The following STS variants were observed in gnomAD, a reference collection of about 807,000 sequenced individuals.
STS encodes steroid sulfatase.
A neutral mutation model predicts 26.8 loss-of-function variants in STS; 7 were observed. That is an observed-to-expected ratio of 0.26 (90% CI 0.15 to 0.49). The LOEUF is 0.49. Ranked by LOEUF, STS falls within the 20% of genes least tolerant of loss-of-function variation. STS has a pLI of 0.98. For synonymous variants in STS, 199 were observed against 189.4 expected, an observed-to-expected ratio of 1.05 and a Z score of -0.42; for missense variants, 434 against 465.6, an observed-to-expected ratio of 0.93 and a Z score of 0.63.
chrX:7,226,736 T>TA (rs1163184652), intron 2 of STS, among the ~76,000 whole-genome samples: 1 of 109,778 alleles, frequency 9.1e-6, no homozygotes, highest in East Asian at 2.9e-4. Flanking sequence ...TCTACAAAAA[T>TA]AAAAAAATTA....
At chrX:7,314,358 A>G (rs913793860) in intron 8 of STS, among the ~76,000 whole-genome samples, 105 of 111,013 alleles carry the variant, frequency 9.5e-4, no homozygotes, top group African/African-American at 3.1e-3. Context: ...TCCTGTCTCA[A>G]AAAAAAAGTG....
intron 10 of STS, among the ~76,000 whole-genome samples, chrX:7,335,231 A>G (rs1249187779): frequency 8.9e-6 from 1 of 112,464 alleles, no homozygotes; most frequent in African/African-American, 3.2e-5. Flanking sequence ...CCAACAGTGT[A>G]AAAGTGTTCC....
intron 1 of STS, among the ~76,000 whole-genome samples, chrX:7,158,106 G>A (rs1213251264): frequency 9.0e-6 from 1 of 111,036 alleles, no homozygotes; most frequent in East Asian, 2.8e-4. Context: ...CAAATGACAT[G>A]GCATGCATCT....
chrX:7,162,152 T>A, intron 1 of STS, among the ~76,000 whole-genome samples: 1 of 111,552 alleles, frequency 9.0e-6, no homozygotes, highest in Admixed American at 9.6e-5. Flanking sequence ...TTCCATCTTG[T>A]CTTCTCCTTA....
At chrX:7,188,236 G>T (rs1933809124) in intron 1 of STS, among the ~76,000 whole-genome samples, 1 of 111,660 alleles carries the variant, frequency 9.0e-6, no homozygotes, top group South Asian at 3.8e-4. Flanking sequence ...CCACTTTAAT[G>T]AGCATTGGAT....
intron 10 of STS, 85 bp from the exon 11 acceptor site, chrX:7,349,803 G>A (rs1928706051): frequency 8.7e-7 from 1 of 1,154,729 alleles, no homozygotes; most frequent in African/African-American, 1.8e-5. Context: ...GCACATGGCA[G>A]CATAATTTCC....
At chrX:7,186,872 G>GGGTCA (rs1263520559) in intron 1 of STS, among the ~76,000 whole-genome samples, 1 of 111,445 alleles carries the variant, frequency 9.0e-6, no homozygotes, top group Admixed American at 9.6e-5. Context: ...TGTATTCTTG[G>GGGTCA]GGTCAACACT....
intron 2 of STS, among the ~76,000 whole-genome samples, chrX:7,222,204 T>C (rs2147050660): frequency 8.9e-6 from 1 of 112,019 alleles, no homozygotes; most frequent in South Asian, 3.7e-4. Context: ...ATTTCTGTTG[T>C]TTATAAGCCA....
intron 8 of STS, among the ~76,000 whole-genome samples, chrX:7,323,679 C>T (rs1205932507): frequency 1.8e-5 from 2 of 111,822 alleles, no homozygotes; most frequent in Non-Finnish European, 1.9e-5. Context: ...CAGCAATGAA[C>T]ATACAGGTAA....
intron 2 of STS, among the ~76,000 whole-genome samples, chrX:7,208,652 ACCTTCCTTCCT>A (rs1412764382): frequency 9.1e-6 from 1 of 110,408 alleles, no homozygotes; most frequent in Non-Finnish European, 1.9e-5. Context: ...TTTCTTTCCT[ACCTTCCTTCCT>A]CCTTCCTTAT....
intron 2 of STS, among the ~76,000 whole-genome samples, chrX:7,247,051 A>ATG (rs1203795154): frequency 1.1e-4 from 12 of 111,340 alleles, no homozygotes; most frequent in Admixed American, 4.8e-4. Context: ...GTGTGTGTGT[A>ATG]TGTGTGTGTG....
In STS at chrX:7,279,903, C is replaced by T. The variant is rs780166033; in HGVS notation, c.943+3816C>T. ...CCTGTGCAGCAGGTGATGTTCTCATCATTCGCATTCCACAGGTAAGGCAAG... is the reference window on the plus strand; with the variant it reads ...CCTGTGCAGCAGGTGATGTTCTCATTATTCGCATTCCACAGGTAAGGCAAG... On this transcript the variant is annotated intron_variant, in intron 7 of 10. Transcript: ENST00000674429. Among the ~76,000 whole-genome samples the T allele has an allele frequency of 2.2e-3, 243 of 111,618 alleles. 1 individual carries two copies. Among genetic ancestry groups the T allele is most frequent in the Non-Finnish European group, 3.2e-3 (169 of 53,132 alleles).
chrX:7,263,332 G>A (rs1271500512), intron 6 of STS, among the ~76,000 whole-genome samples: 4 of 112,513 alleles, frequency 3.6e-5, no homozygotes, highest in Non-Finnish European at 7.5e-5. Context: ...GCCTCTCGAA[G>A]TACTGGGATT....
chrX:7,320,871 T>C (rs189652016), intron 8 of STS, among the ~76,000 whole-genome samples: 1 of 111,929 alleles, frequency 8.9e-6, no homozygotes, highest in African/African-American at 3.2e-5. Flanking sequence ...CAAAGTATGA[T>C]GTGAACTTCC....
intron 7 of STS, among the ~76,000 whole-genome samples, chrX:7,283,039 G>C (rs1280907511): frequency 8.9e-6 from 1 of 112,107 alleles, no homozygotes; most frequent in African/African-American, 3.2e-5. Flanking sequence ...AAAAACAAAA[G>C]CCCATGTTCT....
chrX:7,249,680 A>G (rs1224520774), intron 2 of STS, among the ~76,000 whole-genome samples: 1 of 111,823 alleles, frequency 8.9e-6, no homozygotes, highest in Admixed American at 9.5e-5. Context: ...GAGAAGAGCC[A>G]TAGGGAGTCC....
chrX:7,201,738 T>C (rs1371449299), intron 2 of STS, among the ~76,000 whole-genome samples: 1 of 111,141 alleles, frequency 9.0e-6, no homozygotes, highest in Non-Finnish European at 1.9e-5. Context: ...AGAGATTTCA[T>C]GCGTTTGTCT....
intron 6 of STS, among the ~76,000 whole-genome samples, chrX:7,269,783 G>A (rs1451110454): frequency 9.0e-6 from 1 of 111,433 alleles, no homozygotes; most frequent in Non-Finnish European, 1.9e-5. Flanking sequence ...TGTTGATACC[G>A]CTATCTGATT....
intron 2 of STS, among the ~76,000 whole-genome samples, chrX:7,246,426 C>T (rs189456814): frequency 0.034 from 3,714 of 108,482 alleles, 50 homozygotes; most frequent in East Asian, 0.14. Flanking sequence ...CTCAGCCTCC[C>T]GAGTAGCTGG....
Sources: allele counts gnomAD v4.1 joint callset (sites outside exome capture counted in the v4.1 genomes callset), GRCh38; gene constraint gnomAD v4.1.1; transcripts MANE v1.5; gene names NCBI Gene and HGNC (gene_info 2026-07-23, HGNC 2026-07-21).